The following XPR1 variants were observed in gnomAD, a reference collection of about 807,000 sequenced individuals.
XPR1 encodes xenotropic and polytropic retrovirus receptor 1, also known as solute carrier family 53 member 1.
XPR1 carries 28 observed loss-of-function variants against 87.5 expected under a neutral mutation model. That is an observed-to-expected ratio of 0.32 (90% CI 0.24 to 0.44). The LOEUF (loss-of-function observed/expected upper bound fraction) is 0.44. Ranked by LOEUF, XPR1 falls within the 20% of genes least tolerant of loss-of-function variation. The pLI, the probability that XPR1 is intolerant of heterozygous loss-of-function variation, is 1.00. For missense variants in XPR1, 559 were observed against 862.3 expected (o/e 0.65, Z 4.41); for synonymous variants, 300 against 306.1 (o/e 0.98, Z 0.21).
rs931496406 is a variant in XPR1, at chr1:180,632,075, C to G, written c.-127C>G. 11 of 1,122,616 alleles carry G rather than the reference C, an allele frequency of 9.8e-6. No individual in the cohort carries two copies. Among genetic ancestry groups the G allele is most frequent in the Non-Finnish European group, 1.4e-5 (11 of 759,696 alleles). The allele number at this position is 1,122,616 out of a possible 1,614,324, so 69.5% of individuals were successfully genotyped here. A position where few individuals can be genotyped will look rare whatever the true frequency, so the allele number is the denominator to read the frequency against. ...GGCTGCTCTGAAGAGACCTCGGCGG[C>G]GGCGGAGGAGGAGAGAAGCGCAGCG... On this transcript the variant is annotated 5_prime_UTR_variant, in exon 1 of 15. Transcript: ENST00000367590.
chr1:180,714,616 C>G (rs1657925654), intron 2 of XPR1, among the ~76,000 whole-genome samples: 1 of 151,818 alleles, frequency 6.6e-6, no homozygotes, highest in African/African-American at 2.4e-5. Flanking sequence ...TGTTGCCCAG[C>G]CTGGTCTTGA....
At position 180,660,673 on chromosome 1, in the gene XPR1, T is replaced by C. The variant is rs116928085; in HGVS notation, c.70-21687T>C. 5.9e-5 allele frequency among the ~76,000 whole-genome samples: 9 copies of C among 152,366 alleles called. No homozygotes were observed. In the East Asian group the frequency reaches 1.5e-3, roughly 26 times the overall value. Reference sequence around the variant, plus strand: ...ATAGTCTCTAAAATTTCTCTTGTTATTGATTTCTAGTTTTATTCCGTTGTG... The same window carrying C: ...ATAGTCTCTAAAATTTCTCTTGTTACTGATTTCTAGTTTTATTCCGTTGTG... On this transcript the variant is annotated intron_variant, in intron 1 of 14. Transcript: ENST00000367590.
At chr1:180,641,344 T>C (rs1654955964) in intron 1 of XPR1, among the ~76,000 whole-genome samples, 1 of 152,206 alleles carries the variant, frequency 6.6e-6, no homozygotes, top group Non-Finnish European at 1.5e-5. Context: ...TTGGCTAATA[T>C]TATTTTTGAC....
At chr1:180,777,636 A>G (rs912625907) in intron 2 of XPR1, among the ~76,000 whole-genome samples, 2 of 152,300 alleles carry the variant, frequency 1.3e-5, no homozygotes, top group East Asian at 1.9e-4. Flanking sequence ...TCTTTGCCAT[A>G]TGCTTTATAT....
At chr1:180,668,338 A>T (rs780097358) in intron 1 of XPR1, among the ~76,000 whole-genome samples, 8 of 152,006 alleles carry the variant, frequency 5.3e-5, no homozygotes, top group Non-Finnish European at 1.2e-4. Context: ...CATGTTGGCC[A>T]GGCTGGTCTT....
intron 3 of XPR1, among the ~76,000 whole-genome samples, chr1:180,794,563 C>T (rs1649502524): frequency 6.6e-6 from 1 of 152,150 alleles, no homozygotes; most frequent in South Asian, 2.1e-4. Flanking sequence ...ATGCAAAGTA[C>T]TGTGAAAACT....
intron 3 of XPR1, among the ~76,000 whole-genome samples, chr1:180,794,368 C>T (rs762483176): frequency 6.6e-6 from 1 of 152,120 alleles, no homozygotes; most frequent in South Asian, 2.1e-4. Context: ...TTGACCAGAA[C>T]GTTGTTCTGT....
chr1:180,653,063 G>T (rs1297972220), intron 1 of XPR1, among the ~76,000 whole-genome samples: 2 of 152,166 alleles, frequency 1.3e-5, no homozygotes, highest in Non-Finnish European at 2.9e-5. Context: ...GCTTAGGACT[G>T]CTTGAATTTT....
At chr1:180,823,970 T>G (rs547973100) in intron 7 of XPR1, among the ~76,000 whole-genome samples, 1 of 152,224 alleles carries the variant, frequency 6.6e-6, no homozygotes, top group African/African-American at 2.4e-5. Flanking sequence ...TATATGACAT[T>G]TAAATTTTCA....
chr1:180,656,398 TAAATATTTATATATTTATATA>T (rs1655479033), intron 1 of XPR1, among the ~76,000 whole-genome samples: 1 of 40,898 alleles, frequency 2.4e-5, no homozygotes, highest in Non-Finnish European at 4.2e-5. Flanking sequence ...TATTTATATA[TAAATATTTATATATTTATATA>T]TAAATATTTA....
At chr1:180,665,805 TAC>T (rs1312915172) in intron 1 of XPR1, among the ~76,000 whole-genome samples, 1 of 152,220 alleles carries the variant, frequency 6.6e-6, no homozygotes, top group Non-Finnish European at 1.5e-5. Flanking sequence ...TTTTCAGTGA[TAC>T]AGAGTAAAAA....
At chr1:180,764,304 A>T (rs913477868) in intron 2 of XPR1, among the ~76,000 whole-genome samples, 31 of 152,180 alleles carry the variant, frequency 2.0e-4, no homozygotes, top group African/African-American at 7.0e-4. Context: ...TCATGTTTAG[A>T]CTTAGATTTT....
chr1:180,866,991 T>G (rs1376188948), intron 12 of XPR1, among the ~76,000 whole-genome samples: 2 of 104,122 alleles, frequency 1.9e-5, no homozygotes, highest in African/African-American at 3.9e-5. Context: ...GTCCCCAGAG[T>G]GTGATATTCC....
chr1:180,735,180 G>A (rs1040331504), intron 2 of XPR1, among the ~76,000 whole-genome samples: 2 of 152,106 alleles, frequency 1.3e-5, no homozygotes, highest in Non-Finnish European at 2.9e-5. Context: ...AATAGTCCAA[G>A]TCTATTTGAA....
At chr1:180,787,386 C>G (rs1423271058) in intron 2 of XPR1, among the ~76,000 whole-genome samples, 1 of 151,730 alleles carries the variant, frequency 6.6e-6, no homozygotes, top group East Asian at 1.9e-4. Context: ...ACTGCAACCT[C>G]CACCTACCTC....
intron 9 of XPR1, among the ~76,000 whole-genome samples, chr1:180,825,672 T>C (rs1176997182): frequency 6.6e-6 from 1 of 152,176 alleles, no homozygotes; most frequent in African/African-American, 2.4e-5. Context: ...TTGATGTGAG[T>C]ATCAACCGAA....
In XPR1 at chr1:180,884,120, C is replaced by G. The variant is rs1398653008; in HGVS notation, c.*54C>G. 26 of 1,563,204 alleles carry G rather than the reference C, an allele frequency of 1.7e-5. No homozygotes were observed. Among genetic ancestry groups the G allele is most frequent in the Non-Finnish European group, 2.0e-5 (23 of 1,137,350 alleles). ...GGTTTTCCTACTCTACAATCCTTTC[C>G]TCGACCAACGCAACCTCTAGTACCT... On this transcript the variant is annotated 3_prime_UTR_variant, in exon 15 of 15. Transcript: ENST00000367590.
intron 1 of XPR1, among the ~76,000 whole-genome samples, chr1:180,656,912 C>G (rs926263300): frequency 6.6e-6 from 1 of 151,530 alleles, no homozygotes; most frequent in African/African-American, 2.4e-5. Context: ...GAGGAAGCTC[C>G]AGACTGTTCT....
intron 3 of XPR1, among the ~76,000 whole-genome samples, chr1:180,798,423 T>TA (rs1006861997): frequency 2.0e-5 from 3 of 151,734 alleles, no homozygotes; most frequent in African/African-American, 7.3e-5. Context: ...GAGAAGAAAA[T>TA]ATGAGAGTTG....
Sources: allele counts gnomAD v4.1 joint callset (sites outside exome capture counted in the v4.1 genomes callset), GRCh38; gene constraint gnomAD v4.1.1; transcripts MANE v1.5; gene names NCBI Gene and HGNC (gene_info 2026-07-23, HGNC 2026-07-21).